The following DIAPH3 variants were observed in gnomAD, a reference collection of about 807,000 sequenced individuals.
The protein encoded by DIAPH3 is diaphanous related formin 3.
DIAPH3 carries 117 observed loss-of-function variants against 144.3 expected under a neutral mutation model. The observed-to-expected ratio is 0.81, with a 90% CI of 0.70 to 0.95. DIAPH3 has a LOEUF of 0.95. DIAPH3 is among the 40% of genes least tolerant of loss of function. DIAPH3 has a pLI of 0.00. For missense variants in DIAPH3, 1,421 were observed against 1,412.7 expected, an observed-to-expected ratio of 1.01 and a Z score of -0.09; for synonymous variants, 519 against 488.9, an observed-to-expected ratio of 1.06 and a Z score of -0.81.
intron 21 of DIAPH3, among the ~76,000 whole-genome samples, chr13:59,875,117 A>G (rs1346051356): frequency 1.3e-5 from 2 of 152,158 alleles, no homozygotes; most frequent in African/African-American, 2.4e-5. Context: ...CTAACCAGAT[A>G]CAAACTTTTC....
intron 4 of DIAPH3, among the ~76,000 whole-genome samples, 158 bp downstream of exon 4, chr13:60,093,470 T>C (rs1187893427): frequency 6.6e-6 from 1 of 152,206 alleles, no homozygotes; most frequent in Non-Finnish European, 1.5e-5. Flanking sequence ...ATATTTTTAA[T>C]TTAAACAAAT....
chr13:60,035,798 G>GA (rs35733167), intron 5 of DIAPH3, among the ~76,000 whole-genome samples: 2 of 152,006 alleles, frequency 1.3e-5, no homozygotes, highest in African/African-American at 2.4e-5. Flanking sequence ...AAGTAATCTT[G>GA]AAAAAATGCC....
intron 20 of DIAPH3, among the ~76,000 whole-genome samples, chr13:59,892,086 G>T (rs567435210): frequency 7.7e-4 from 117 of 151,844 alleles, no homozygotes; most frequent in Middle Eastern, 3.4e-3. Flanking sequence ...GTAAGCAGAG[G>T]GAGAAGGGGA....
chr13:59,758,903 C>T (rs2037424484), intron 27 of DIAPH3, among the ~76,000 whole-genome samples: 1 of 151,334 alleles, frequency 6.6e-6, no homozygotes, highest in African/African-American at 2.4e-5. Context: ...TCTCAGCCTC[C>T]TGAGTAGGTG....
chr13:59,774,577 G>T, intron 26 of DIAPH3, 151 bp downstream of exon 26: 1 of 779,494 alleles, frequency 1.3e-6, no homozygotes, highest in Non-Finnish European at 2.2e-6. Flanking sequence ...ATTTGTCTGT[G>T]CAAGGGATTA....
intron 27 of DIAPH3, among the ~76,000 whole-genome samples, chr13:59,763,200 A>G (rs2037692784): frequency 6.6e-6 from 1 of 151,944 alleles, no homozygotes; most frequent in Non-Finnish European, 1.5e-5. Context: ...TCTTTTTCAT[A>G]CATATATCTT....
At chr13:59,768,589 AG>A (rs920050487) in intron 27 of DIAPH3, among the ~76,000 whole-genome samples, 2 of 151,980 alleles carry the variant, frequency 1.3e-5, no homozygotes, top group African/African-American at 4.8e-5. Context: ...GGGATGGGGG[AG>A]GGGTGGCTAT....
chr13:59,805,258 T>C (rs567648769), intron 25 of DIAPH3, among the ~76,000 whole-genome samples: 2 of 152,074 alleles, frequency 1.3e-5, no homozygotes, highest in South Asian at 4.1e-4. Flanking sequence ...TTAAAAATGA[T>C]GTGAATCAAC....
At chr13:59,881,457 C>T (rs971224498) in intron 20 of DIAPH3, among the ~76,000 whole-genome samples, 1 of 152,082 alleles carries the variant, frequency 6.6e-6, no homozygotes, top group African/African-American at 2.4e-5. Context: ...CTATGCAAAA[C>T]ATTTGTATTA....
intron 22 of DIAPH3, among the ~76,000 whole-genome samples, chr13:59,839,826 C>T (rs1176239302): frequency 1.3e-5 from 2 of 152,130 alleles, no homozygotes; most frequent in Non-Finnish European, 2.9e-5. Context: ...TTTTCAAAAT[C>T]ATCTCTTGAC....
chr13:59,940,293 G>A (rs2048464567), intron 17 of DIAPH3, among the ~76,000 whole-genome samples: 1 of 152,144 alleles, frequency 6.6e-6, no homozygotes, highest in African/African-American at 2.4e-5. Context: ...TAACATCTTA[G>A]TGAAGAAGAA....
chr13:59,857,996 A>G (rs2043351725), intron 22 of DIAPH3, among the ~76,000 whole-genome samples: 1 of 152,198 alleles, frequency 6.6e-6, no homozygotes. Flanking sequence ...GTAGGAATCA[A>G]AAGTCCCATT....
Position 60,048,327 on chromosome 13 carries a change from A to T in DIAPH3, c.496-5507T>A, listed in dbSNP as rs556133407. On this transcript the variant is annotated intron_variant, in intron 4 of 27. Transcript: ENST00000400324. ...TGCCTCTCCCAATGATACATTTCAT[A>T]AAGGACTAGTATTCAGAATAAAGAA... Among the ~76,000 whole-genome samples the T allele has an allele frequency of 8.2e-4, 125 of 152,356 alleles. 1 individual carries two copies. The highest frequency in any genetic ancestry group is 2.5e-3 in the African/African-American group (102 of 41,594).
chr13:60,094,331 G>C (rs1056448479), intron 3 of DIAPH3, among the ~76,000 whole-genome samples: 2 of 152,004 alleles, frequency 1.3e-5, no homozygotes, highest in Non-Finnish European at 2.9e-5. Flanking sequence ...ACCTAAAATC[G>C]AACATTTCTC....
chr13:60,004,215 C>A (rs1050026591), intron 9 of DIAPH3, among the ~76,000 whole-genome samples: 13 of 152,046 alleles, frequency 8.6e-5, no homozygotes, highest in Non-Finnish European at 1.9e-4. Flanking sequence ...TTGCTAATGT[C>A]ATCTAGTTTA....
At chr13:59,680,457 A>G (rs2032878942) in intron 27 of DIAPH3, among the ~76,000 whole-genome samples, 1 of 152,128 alleles carries the variant, frequency 6.6e-6, no homozygotes, top group African/African-American at 2.4e-5. Flanking sequence ...CTGTTCCTTG[A>G]GGTAGTTAGT....
At chr13:60,012,868 T>C (rs1466415738) in intron 7 of DIAPH3, 7 of 394,206 alleles carry the variant, frequency 1.8e-5, no homozygotes, top group Non-Finnish European at 2.4e-5. Context: ...GGTAACGTTC[T>C]CTGATTTTGG....
intron 2 of DIAPH3, among the ~76,000 whole-genome samples, chr13:60,124,563 G>A (rs902772377): frequency 4.6e-5 from 7 of 151,832 alleles, no homozygotes; most frequent in South Asian, 2.1e-4. Flanking sequence ...GATTTTCTCC[G>A]GATTAAGGTC....
At position 59,833,245 on chromosome 13, in the gene DIAPH3, T is replaced by C. The variant is rs2041874183; in HGVS notation, c.2889A>G (p.Gln963=). The C allele has an allele frequency of 3.1e-6, 5 of 1,609,238 alleles. No individual in the cohort carries two copies. The highest frequency in any genetic ancestry group is 1.3e-5 in the African/African-American group (1 of 74,828). Residue 963 remains glutamine, a synonymous_variant, in exon 24 of 28, where the codon CAA becomes CAG. Coordinates refer to ENST00000400324, the MANE Select transcript of DIAPH3 (RefSeq NM_001042517.2). The part of the protein sequence containing the change: ...MSRFVISAKE[Q]YETLSKLHEN... ...CGTGTAACTTCGAAAGTGTCTCATA[T>C]TGTTCTTTTGCACTGATAACAAATC... is the stretch of plus-strand genomic sequence containing the variant.
Sources: gnomAD v4.1 joint callset for allele counts (sites outside exome capture counted in the v4.1 genomes callset) on GRCh38, gnomAD v4.1.1 for gene constraint, MANE v1.5 for transcripts, NCBI Gene and HGNC (gene_info 2026-07-23, HGNC 2026-07-21) for gene names.